ELMO1: variants seen among roughly 807,000 people sequenced by gnomAD.
ELMO1 encodes the protein engulfment and cell motility 1.
In ELMO1, 26 loss-of-function variants were observed where a neutral mutation model predicts 98.9. The ratio of observed to expected loss-of-function variants is 0.26; its 90% CI spans 0.19 to 0.36. The LOEUF is 0.36. Among genes scored for constraint, ELMO1 ranks in the 10% least tolerant of loss-of-function variants. The pLI is 1.00. For missense variants in ELMO1, 627 were observed against 935.2 expected, an observed-to-expected ratio of 0.67 and a Z score of 4.30; for synonymous variants, 346 against 346.0, an observed-to-expected ratio of 1.00 and a Z score of 0.00.
Position 37,295,139 on chromosome 7 carries a change from T to C in ELMO1, c.192+19711A>G, listed in dbSNP as rs976441754. On this transcript the variant is annotated intron_variant, in intron 4 of 21. Transcript: ENST00000310758. ...TATTATTCATAAGCACATACCTATG[T>C]AGAAAACCTATAAAACATTCATGAG... 7.9e-5 allele frequency among the ~76,000 whole-genome samples: 12 copies of C among 152,206 alleles called. No homozygotes were observed. The East Asian group carries it at 2.1e-3, about 27-fold the overall frequency.
intron 13 of ELMO1, among the ~76,000 whole-genome samples, chr7:37,160,468 T>G (rs1196460026): frequency 6.6e-6 from 1 of 152,116 alleles, no homozygotes; most frequent in African/African-American, 2.4e-5. Context: ...TTCCTTCTTA[T>G]TCCCCCTTTT....
intron 13 of ELMO1, among the ~76,000 whole-genome samples, chr7:37,147,879 G>C (rs1335182452): frequency 6.6e-6 from 1 of 151,028 alleles, no homozygotes; most frequent in East Asian, 1.9e-4. Flanking sequence ...TAAAAAGAAA[G>C]GTGTGTGAGG....
chr7:37,140,695 AC>A (rs1787580081), intron 13 of ELMO1, among the ~76,000 whole-genome samples: 3 of 152,230 alleles, frequency 2.0e-5, no homozygotes, highest in Admixed American at 2.0e-4. Flanking sequence ...TAAGAAAAAA[AC>A]AATCCCACCA....
chr7:37,055,548 T>A (rs904455385), intron 15 of ELMO1, among the ~76,000 whole-genome samples: 1 of 152,200 alleles, frequency 6.6e-6, no homozygotes, highest in Non-Finnish European at 1.5e-5. Flanking sequence ...TGAAATGTGG[T>A]CACTTTTTGC....
chr7:37,249,464 A>G (rs1165152280), intron 6 of ELMO1, among the ~76,000 whole-genome samples: 1 of 152,218 alleles, frequency 6.6e-6, no homozygotes, highest in Non-Finnish European at 1.5e-5. Flanking sequence ...TTCCTAATAC[A>G]GCCAGATTTT....
chr7:37,347,125 A>G (rs1472694525), intron 1 of ELMO1, among the ~76,000 whole-genome samples: 1 of 152,228 alleles, frequency 6.6e-6, no homozygotes, highest in East Asian at 1.9e-4. Flanking sequence ...CCAGGTGCAC[A>G]ATTGCAGAAT....
At chr7:37,432,163 G>A (rs1583753530) in intron 1 of ELMO1, among the ~76,000 whole-genome samples, 1 of 152,188 alleles carries the variant, frequency 6.6e-6, no homozygotes, top group African/African-American at 2.4e-5. Flanking sequence ...TTACAGGTGT[G>A]AGCCACCGCA....
rs192528269 is a variant in ELMO1, at chr7:37,310,295, T to C, written c.192+4555A>G. On this transcript the variant is annotated intron_variant, in intron 4 of 21. Transcript: ENST00000310758. ...AGTGAGTATCATCCTGCAATCATAA[T>C]AAAATCTCAATTATCCACAAGCACA... Among the ~76,000 whole-genome samples the C allele has an allele frequency of 4.3e-4, 65 of 152,294 alleles. 1 individual carries two copies. The highest frequency in any genetic ancestry group is 1.3e-3 in the African/African-American group (56 of 41,552).
At chr7:37,072,157 C>G (rs1797311291) in intron 15 of ELMO1, among the ~76,000 whole-genome samples, 3 of 152,042 alleles carry the variant, frequency 2.0e-5, no homozygotes, top group African/African-American at 7.2e-5. Context: ...CATGAAGCAC[C>G]AAAAAAGGGT....
chr7:37,030,575 T>C (rs774641737), intron 15 of ELMO1, among the ~76,000 whole-genome samples: 3 of 152,148 alleles, frequency 2.0e-5, no homozygotes, highest in Non-Finnish European at 4.4e-5. Context: ...TCTTGTGGAT[T>C]CCTTATGAAT....
At chr7:37,036,097 CAT>C (rs1455571842) in intron 15 of ELMO1, among the ~76,000 whole-genome samples, 2 of 152,066 alleles carry the variant, frequency 1.3e-5, no homozygotes, top group African/African-American at 4.8e-5. Flanking sequence ...GTAGTATCTA[CAT>C]ATGTTTCATG....
At position 36,853,755 on chromosome 7, in the gene ELMO1, G is replaced by C. The variant is rs575474031; in HGVS notation, c.*1796C>G. 1.5e-3 allele frequency among the ~76,000 whole-genome samples: 223 copies of C among 152,334 alleles called. No homozygotes were observed. The highest frequency in any genetic ancestry group is 5.1e-3 in the African/African-American group (211 of 41,582). On this transcript the variant is annotated 3_prime_UTR_variant, in exon 22 of 22. Transcript: ENST00000310758. Reference sequence around the variant, plus strand: ...TTCCACAGCTTGTGCTGTGAGGCCAGAGTGGCTGGTGCTGTGCCACGCTTA... The same window carrying C: ...TTCCACAGCTTGTGCTGTGAGGCCACAGTGGCTGGTGCTGTGCCACGCTTA...
In ELMO1 at chr7:37,023,694, G is replaced by A. The variant is rs556341809; in HGVS notation, c.1301-10259C>T. 1.1e-4 allele frequency among the ~76,000 whole-genome samples: 17 copies of A among 152,126 alleles called. No homozygotes were observed. The South Asian group carries it at 1.5e-3, about 13-fold the overall frequency. ...ACTATCTCGGCTCACTGCAACCCCC[G>A]CATCCTGGATTCAAGTGCTGGGATT... On this transcript the variant is annotated intron_variant, in intron 15 of 21. Coordinates refer to ENST00000310758, the MANE Select transcript of ELMO1 (RefSeq NM_014800.11).
chr7:36,970,871 C>G (rs995694664), intron 16 of ELMO1, among the ~76,000 whole-genome samples: 1 of 152,154 alleles, frequency 6.6e-6, no homozygotes, highest in African/African-American at 2.4e-5. Context: ...AGAAGAACAT[C>G]GACGCACAGG....
At chr7:37,427,428 G>A (rs182429300) in intron 1 of ELMO1, among the ~76,000 whole-genome samples, 1 of 152,372 alleles carries the variant, frequency 6.6e-6, no homozygotes, top group Admixed American at 6.5e-5. Context: ...TGGGTCAGCA[G>A]TGACCAACAC....
chr7:37,352,320 C>T (rs1422219992), intron 1 of ELMO1, among the ~76,000 whole-genome samples: 1 of 152,146 alleles, frequency 6.6e-6, no homozygotes, highest in Non-Finnish European at 1.5e-5. Flanking sequence ...TACCTGGTCT[C>T]GAACTCCTGA....
At chr7:37,166,947 C>T (rs1584751438) in intron 13 of ELMO1, among the ~76,000 whole-genome samples, 1 of 151,952 alleles carries the variant, frequency 6.6e-6, no homozygotes, top group East Asian at 1.9e-4. Flanking sequence ...GTGTTAAAGT[C>T]TCCCATTATT....
intron 14 of ELMO1, among the ~76,000 whole-genome samples, chr7:37,132,076 T>G (rs1318648606): frequency 6.6e-6 from 1 of 152,194 alleles, no homozygotes; most frequent in South Asian, 2.1e-4. Context: ...GAATAAATAC[T>G]GTCCCAGCTA....
chr7:37,028,356 G>A (rs1329393812), intron 15 of ELMO1, among the ~76,000 whole-genome samples: 2 of 151,884 alleles, frequency 1.3e-5, no homozygotes, highest in East Asian at 1.9e-4. Flanking sequence ...TTTTTCCTCC[G>A]ACCTACCATT....
Sources: allele counts gnomAD v4.1 joint callset (sites outside exome capture counted in the v4.1 genomes callset), GRCh38; gene constraint gnomAD v4.1.1; transcripts MANE v1.5; gene names NCBI Gene and HGNC (gene_info 2026-07-23, HGNC 2026-07-21).